SCARA3: variants seen among roughly 807,000 people sequenced by gnomAD.
SCARA3 encodes scavenger receptor class A member 3.
SCARA3 carries 39 observed loss-of-function variants against 47.0 expected under a neutral mutation model. The observed-to-expected ratio is 0.83, with a 90% CI of 0.64 to 1.08. SCARA3 has a LOEUF of 1.08. Among genes scored for constraint, SCARA3 ranks in the 50% least tolerant of loss-of-function variants. The pLI, the probability that SCARA3 is intolerant of heterozygous loss-of-function variation, is 0.00. For synonymous variants in SCARA3, 356 were observed against 334.1 expected, an observed-to-expected ratio of 1.07 and a Z score of -0.71; for missense variants, 724 against 792.3, an observed-to-expected ratio of 0.91 and a Z score of 1.04.
At chr8:27,700,185 A>G in the SCARA3 span, among the ~76,000 whole-genome samples, 1,470 of 152,320 alleles carry the variant, frequency 9.7e-3, 20 homozygotes, top group African/African-American at 0.031. Context: ...AAAACCCTCT[A>G]TTCTTTAAAA....
At chr8:27,723,408 T>G in the SCARA3 span, among the ~76,000 whole-genome samples, 1 of 152,220 alleles carries the variant, frequency 6.6e-6, no homozygotes, top group East Asian at 1.9e-4. Flanking sequence ...ACCTTCTGAT[T>G]CATTTCTTGT....
chr8:27,643,497 A>G (rs1213030544), intron 1 of SCARA3, among the ~76,000 whole-genome samples: 1 of 152,200 alleles, frequency 6.6e-6, no homozygotes, highest in Non-Finnish European at 1.5e-5. Flanking sequence ...TTGAGACCTG[A>G]GCGGGCAGGC....
At chr8:27,661,300 A>G (rs1801908549) in intron 5 of SCARA3, among the ~76,000 whole-genome samples, 1 of 152,216 alleles carries the variant, frequency 6.6e-6, no homozygotes, top group Non-Finnish European at 1.5e-5. Flanking sequence ...CAGTAAGGTC[A>G]TAATTCCACC....
chr8:27,690,900 C>T, the SCARA3 span, among the ~76,000 whole-genome samples: 1 of 152,056 alleles, frequency 6.6e-6, no homozygotes, highest in Non-Finnish European at 1.5e-5. Flanking sequence ...TCAGGCTAGT[C>T]TCAACCTTCC....
chr8:27,683,916 T>C, the SCARA3 span, among the ~76,000 whole-genome samples: 12 of 152,066 alleles, frequency 7.9e-5, no homozygotes, highest in African/African-American at 1.2e-4. Context: ...ACTCAAAAAC[T>C]ATGTAATGAA....
intron 4 of SCARA3, among the ~76,000 whole-genome samples, chr8:27,658,265 G>A (rs753822701): frequency 1.1e-4 from 16 of 152,152 alleles, no homozygotes; most frequent in Non-Finnish European, 1.9e-4. Flanking sequence ...TGAGAAGGAG[G>A]AAACATCCTA....
At chr8:27,708,533 A>G in the SCARA3 span, among the ~76,000 whole-genome samples, 1 of 152,190 alleles carries the variant, frequency 6.6e-6, no homozygotes, top group Non-Finnish European at 1.5e-5. Context: ...AAATATGCCT[A>G]TAAATGTCTA....
chr8:27,643,943 G>A (rs969082226), intron 1 of SCARA3, among the ~76,000 whole-genome samples: 1 of 152,130 alleles, frequency 6.6e-6, no homozygotes, highest in African/African-American at 2.4e-5. Context: ...TAACAGGTCC[G>A]GGCTATTTTC....
At chr8:27,714,283 C>T in the SCARA3 span, among the ~76,000 whole-genome samples, 1 of 150,282 alleles carries the variant, frequency 6.7e-6, no homozygotes, top group Non-Finnish European at 1.5e-5. Flanking sequence ...GCAACCTCCG[C>T]CTCCCTGGTT....
intron 1 of SCARA3, among the ~76,000 whole-genome samples, chr8:27,641,732 A>T (rs1417304311): frequency 6.6e-6 from 1 of 152,186 alleles, no homozygotes; most frequent in African/African-American, 2.4e-5. Context: ...GATCAAGCAG[A>T]TGGAACAGCA....
At chr8:27,653,781 G>A (rs758158612) in intron 3 of SCARA3, among the ~76,000 whole-genome samples, 3 of 151,922 alleles carry the variant, frequency 2.0e-5, no homozygotes, top group Non-Finnish European at 4.4e-5. Flanking sequence ...ATTCTATACT[G>A]GGCAGTATAC....
At chr8:27,678,036 C>T (rs1279051692), downstream of SCARA3, among the ~76,000 whole-genome samples, 2 of 152,098 alleles carry the variant, frequency 1.3e-5, no homozygotes, top group East Asian at 3.8e-4. Context: ...TTGTGTGATA[C>T]CGCTAAAGCA....
chr8:27,731,865 A>C, the SCARA3 span, among the ~76,000 whole-genome samples: 16 of 152,200 alleles, frequency 1.1e-4, no homozygotes, highest in East Asian at 3.1e-3. Context: ...CGATTCTGGC[A>C]AGGCTAGGCT....
the SCARA3 span, among the ~76,000 whole-genome samples, chr8:27,721,596 A>G: frequency 6.6e-6 from 1 of 152,192 alleles, no homozygotes; most frequent in South Asian, 2.1e-4. Flanking sequence ...ATTCATCCCA[A>G]TGGCCTCAAG....
chr8:27,692,606 T>C, the SCARA3 span, among the ~76,000 whole-genome samples: 1 of 152,134 alleles, frequency 6.6e-6, no homozygotes, highest in Non-Finnish European at 1.5e-5. Context: ...GAATCTTCTT[T>C]CCTTTCCAGA....
chr8:27,693,090 A>G, the SCARA3 span, among the ~76,000 whole-genome samples: 4 of 150,064 alleles, frequency 2.7e-5, no homozygotes, highest in African/African-American at 9.8e-5. Flanking sequence ...ATGCCACTGC[A>G]CTCCAGCCTG....
At chr8:27,635,311 G>A (rs1012289244) in intron 1 of SCARA3, among the ~76,000 whole-genome samples, 9 of 152,148 alleles carry the variant, frequency 5.9e-5, no homozygotes, top group Admixed American at 3.9e-4. Flanking sequence ...TGCAGCCTCC[G>A]CATTGCATAG....
rs1401744236 is a variant in SCARA3 at position 27,658,850 on chromosome 8, TG to T, written c.684del (p.Gln229ArgfsTer18). On this transcript the variant is annotated frameshift_variant, in exon 5 of 6. Transcript: ENST00000301904. LOFTEE classifies it high-confidence loss of function. Reference protein sequence around the residue: ...KAAVHQINFTVGQTSEWIHGI... With the variant: ...KAAVHQINFTXGQTSEWIHGI... Reference sequence around the variant, plus strand: ...GCAGTGCACCAGATCAACTTCACCGTGGGGCAGACTTCCGAGTGGATCCACG... The same window carrying T: ...GCAGTGCACCAGATCAACTTCACCGTGGGCAGACTTCCGAGTGGATCCACG... The T allele has an allele frequency of 4.3e-6, 7 of 1,613,988 alleles. No individual in the cohort carries two copies. In the African/African-American group the frequency reaches 8.0e-5, roughly 18 times the overall value.
chr8:27,682,591 T>C, the SCARA3 span, among the ~76,000 whole-genome samples: 2 of 152,270 alleles, frequency 1.3e-5, no homozygotes, highest in Middle Eastern at 3.4e-3. Context: ...TTTAAACAGA[T>C]ACTTCACAGA....
Sources: allele counts gnomAD v4.1 joint callset (sites outside exome capture counted in the v4.1 genomes callset), GRCh38; gene constraint gnomAD v4.1.1; transcripts MANE v1.5; gene names NCBI Gene and HGNC (gene_info 2026-07-23, HGNC 2026-07-21).